KIAA0586: variants seen among roughly 807,000 people sequenced by gnomAD.
KIAA0586 encodes the protein KIAA0586.
A neutral mutation model predicts 169.8 loss-of-function variants in KIAA0586; 144 were observed. That is an observed-to-expected ratio of 0.85 (90% CI 0.74 to 0.97). The LOEUF is 0.97. Among genes scored for constraint, KIAA0586 ranks in the 50% least tolerant of loss-of-function variants. KIAA0586 has a pLI of 0.00. For missense variants in KIAA0586, 1,854 were observed against 1,823.0 expected, an observed-to-expected ratio of 1.02 and a Z score of -0.31; for synonymous variants, 625 against 612.4, an observed-to-expected ratio of 1.02 and a Z score of -0.30.
intron 28 of KIAA0586, among the ~76,000 whole-genome samples, chr14:58,511,012 CTT>C (rs2044347570): frequency 6.6e-6 from 1 of 152,008 alleles, no homozygotes; most frequent in African/African-American, 2.4e-5. Flanking sequence ...TGTGAGAAAA[CTT>C]TTGAGATTGA....
At position 58,477,189 on chromosome 14, in the gene KIAA0586, T is replaced by C. The variant is rs527907908; in HGVS notation, c.2892T>C (p.Pro964=). The C allele has an allele frequency of 4.9e-5, 77 of 1,584,310 alleles. No individual in the cohort carries two copies. The South Asian group carries it at 7.7e-4, about 16-fold the overall frequency. Residue 964 remains proline, a synonymous_variant, in exon 20 of 31, where the codon CCT becomes CCC. Transcript: ENST00000652326. The part of the protein sequence containing the change: ...GLFPVQQQIA[P]SISVSVSETS... ...TTCCAGTCCAGCAACAGATTGCACC[T>C]AGTATCAGTGTTTCAGTCAGTGAGA...
rs191970325 is a variant in KIAA0586, at chr14:58,437,453, A to G, written c.410+4996A>G. ...AGTTGCCAGACAGTGGCTCATGCCT[A>G]TAATCTCAGCACTTTGGGAGGTCAA... On this transcript the variant is annotated intron_variant, in intron 4 of 30. Coordinates refer to ENST00000652326, the MANE Select transcript of KIAA0586 (RefSeq NM_001329943.3). 3.9e-5 allele frequency among the ~76,000 whole-genome samples: 6 copies of G among 152,160 alleles called. No individual in the cohort carries two copies. The South Asian group carries it at 6.2e-4, about 16-fold the overall frequency.
intron 22 of KIAA0586, 49 bp downstream of exon 22, chr14:58,487,215 A>G (rs1189439410): frequency 6.8e-7 from 1 of 1,477,622 alleles, no homozygotes; most frequent in East Asian, 2.3e-5. Context: ...CAACTATTAA[A>G]TTTCATGATT....
At chr14:58,500,637 T>TCAGAGGG (rs1211945158) in intron 27 of KIAA0586, among the ~76,000 whole-genome samples, 3 of 150,066 alleles carry the variant, frequency 2.0e-5, no homozygotes, top group African/African-American at 2.5e-5. Context: ...CCCGGGAGGC[T>TCAGAGGG]CAGAGGGCAG....
At chr14:58,533,103 A>G (rs1487327937) in intron 29 of KIAA0586, among the ~76,000 whole-genome samples, 2 of 152,216 alleles carry the variant, frequency 1.3e-5, no homozygotes, top group Non-Finnish European at 2.9e-5. Context: ...CAATTTATGT[A>G]GAAATATAGT....
chr14:58,448,792 T>TTA (rs1390562035), intron 7 of KIAA0586, among the ~76,000 whole-genome samples: 3 of 152,254 alleles, frequency 2.0e-5, no homozygotes, highest in African/African-American at 7.2e-5. Flanking sequence ...ATCTCATAAA[T>TTA]TATCAGAAGC....
chr14:58,482,228 C>T (rs1273232795), intron 20 of KIAA0586, among the ~76,000 whole-genome samples: 1 of 151,914 alleles, frequency 6.6e-6, no homozygotes, highest in African/African-American at 2.4e-5. Context: ...GAGTTCAAGA[C>T]CAGCCTGGCC....
chr14:58,531,988 G>C (rs2045999576), intron 29 of KIAA0586, among the ~76,000 whole-genome samples: 1 of 151,496 alleles, frequency 6.6e-6, no homozygotes, highest in African/African-American at 2.4e-5. Context: ...TGAACAATGA[G>C]AACACTTGGC....
chr14:58,540,079 G>A lies in KIAA0586; in HGVS notation c.4438G>A (p.Gly1480Ser), dbSNP rs1420351710. 5 of 1,548,472 alleles carry A rather than the reference G, an allele frequency of 3.2e-6. No homozygotes were observed. Among genetic ancestry groups the A allele is most frequent in the Non-Finnish European group, 4.4e-6 (5 of 1,139,314 alleles). ...AATAAATTTTTATGTAGTTTCACCA[G>A]GTGATATGGATCGGACACAAATTGA... The part of the protein sequence containing the change: ...IAPSQQQVSP[G>S]DMDRTQIELN... The change falls in exon 30 of 31, where the codon GGT becomes AGT. Residue 1480 changes from glycine (G) to serine (S), a missense_variant. Transcript: ENST00000652326.
intron 18 of KIAA0586, among the ~76,000 whole-genome samples, chr14:58,472,877 C>A (rs1290292599): frequency 6.8e-6 from 1 of 146,666 alleles, no homozygotes; most frequent in Admixed American, 7.1e-5. Flanking sequence ...TTTTGTTAAT[C>A]ATAAAATGAA....
chr14:58,459,810 AT>A (rs1237919239), intron 12 of KIAA0586, 32 bp from the exon 13 acceptor site: 1 of 1,192,698 alleles, frequency 8.4e-7, no homozygotes, highest in African/African-American at 1.5e-5. Flanking sequence ...ATTTGTAGAC[AT>A]TTTAAGTAAT....
intron 29 of KIAA0586, 102 bp from the exon 30 acceptor site, chr14:58,539,969 G>A (rs766263607): frequency 7.5e-6 from 5 of 667,340 alleles, no homozygotes; most frequent in Non-Finnish European, 1.3e-5. Context: ...GAGAATAACG[G>A]TGGGAGTGCA....
At chr14:58,436,040 G>A (rs1352140984) in intron 4 of KIAA0586, among the ~76,000 whole-genome samples, 1 of 152,086 alleles carries the variant, frequency 6.6e-6, no homozygotes, top group African/African-American at 2.4e-5. Flanking sequence ...GAAGGACAAT[G>A]TTTATTGGAA....
chr14:58,490,364 A>G (rs1595355464), intron 25 of KIAA0586, 124 bp downstream of exon 25: 3 of 469,752 alleles, frequency 6.4e-6, no homozygotes, highest in Non-Finnish European at 1.1e-5. Flanking sequence ...TAAAATAACC[A>G]TGAAATAATT....
At chr14:58,459,140 G>T (rs1332438372) in intron 12 of KIAA0586, among the ~76,000 whole-genome samples, 1 of 152,140 alleles carries the variant, frequency 6.6e-6, no homozygotes. Flanking sequence ...GGGGTGCAAG[G>T]TGTGTTTTTT....
Position 58,508,535 on chromosome 14 carries a change from A to G in KIAA0586, c.4169-20A>G, listed in dbSNP as rs1442630870. On this transcript the variant is annotated intron_variant, in intron 27 of 30. Coordinates refer to ENST00000652326, the MANE Select transcript of KIAA0586 (RefSeq NM_001329943.3). Reference sequence around the variant, plus strand: ...ATTTAACACTTTATTTTAACTTTTTATTTACATTTTTGATAACAGGTAGTA... The same window carrying G: ...ATTTAACACTTTATTTTAACTTTTTGTTTACATTTTTGATAACAGGTAGTA... 1 of 1,520,822 alleles carries G rather than the reference A, an allele frequency of 6.6e-7. No individual in the cohort carries two copies. The highest frequency in any genetic ancestry group is 8.9e-7 in the Non-Finnish European group (1 of 1,125,802). 94.2% of individuals were successfully genotyped at this position (1,520,822 alleles called of 1,614,324 possible).
At chr14:58,558,354 A>T in the KIAA0586 span, among the ~76,000 whole-genome samples, 7 of 152,148 alleles carry the variant, frequency 4.6e-5, no homozygotes, top group African/African-American at 1.7e-4. Flanking sequence ...TTTTGAAATG[A>T]TGTAGTTAGA....
At chr14:58,430,258 G>T (rs1047164637) in intron 2 of KIAA0586, among the ~76,000 whole-genome samples, 4 of 151,740 alleles carry the variant, frequency 2.6e-5, no homozygotes, top group African/African-American at 9.7e-5. Flanking sequence ...AGAATAAATG[G>T]GTGATCTTCG....
At chr14:58,505,137 A>G (rs755529803) in intron 27 of KIAA0586, among the ~76,000 whole-genome samples, 1 of 152,178 alleles carries the variant, frequency 6.6e-6, no homozygotes, top group Non-Finnish European at 1.5e-5. Flanking sequence ...TACCTCACAC[A>G]TATAATTATA....
Sources: allele counts gnomAD v4.1 joint callset (sites outside exome capture counted in the v4.1 genomes callset), GRCh38; gene constraint gnomAD v4.1.1; transcripts MANE v1.5; gene names NCBI Gene and HGNC (gene_info 2026-07-23, HGNC 2026-07-21).